SNTG1: variants seen among roughly 807,000 people sequenced by gnomAD.
SNTG1 encodes syntrophin gamma 1, also known as gamma-1-syntrophin.
SNTG1 carries 39 observed loss-of-function variants against 74.7 expected under a neutral mutation model. The observed-to-expected ratio is 0.52, with a 90% CI of 0.40 to 0.68. The LOEUF (loss-of-function observed/expected upper bound fraction) is 0.68. Ranked by LOEUF, SNTG1 falls within the 30% of genes least tolerant of loss-of-function variation. The pLI is 0.00. For synonymous variants in SNTG1, 254 were observed against 217.1 expected (o/e 1.17, Z -1.49); for missense variants, 685 against 609.5 (o/e 1.12, Z -1.30).
At chr8:50,561,455 A>T (rs2094488114) in intron 12 of SNTG1, among the ~76,000 whole-genome samples, 1 of 152,218 alleles carries the variant, frequency 6.6e-6, no homozygotes, top group Non-Finnish European at 1.5e-5. Flanking sequence ...TGCAAACCAT[A>T]AAAGAAAGGT....
At chr8:50,021,958 A>C (rs1280158513) in intron 1 of SNTG1, among the ~76,000 whole-genome samples, 2 of 151,654 alleles carry the variant, frequency 1.3e-5, no homozygotes, top group African/African-American at 2.4e-5. Flanking sequence ...ATAAAAATAA[A>C]AATAAAAATA....
chr8:50,235,232 G>T (rs979047372), intron 2 of SNTG1, among the ~76,000 whole-genome samples: 5 of 152,206 alleles, frequency 3.3e-5, no homozygotes, highest in Admixed American at 6.5e-5. Flanking sequence ...AGAAAATGTG[G>T]AATATGTGTA....
chr8:50,400,908 A>C (rs545705462), intron 3 of SNTG1, among the ~76,000 whole-genome samples: 1 of 152,302 alleles, frequency 6.6e-6, no homozygotes, highest in South Asian at 2.1e-4. Flanking sequence ...CACAGCTAAC[A>C]GTAATGCATT....
chr8:49,916,262 G>C (rs964606367), intron 1 of SNTG1, among the ~76,000 whole-genome samples: 11 of 151,868 alleles, frequency 7.2e-5, no homozygotes, highest in African/African-American at 2.4e-4. Flanking sequence ...AGAGTAAGAG[G>C]TCATTAAAAT....
intron 1 of SNTG1, among the ~76,000 whole-genome samples, chr8:50,095,023 A>G (rs2079874456): frequency 1.3e-5 from 2 of 152,212 alleles, no homozygotes; most frequent in Non-Finnish European, 2.9e-5. Flanking sequence ...TTGCAGCTGG[A>G]GGACATTATC....
chr8:50,037,605 T>C (rs559731531), intron 1 of SNTG1, among the ~76,000 whole-genome samples: 1 of 152,356 alleles, frequency 6.6e-6, no homozygotes, highest in Admixed American at 6.5e-5. Flanking sequence ...GTTGTGTATT[T>C]TAAAAGAAGC....
At chr8:49,959,059 A>G (rs1449215649) in intron 1 of SNTG1, among the ~76,000 whole-genome samples, 2 of 152,138 alleles carry the variant, frequency 1.3e-5, no homozygotes, top group African/African-American at 4.8e-5. Flanking sequence ...AGCTCTTTTG[A>G]ATTTTTTTGT....
chr8:50,534,402 A>T (rs1585602714), intron 10 of SNTG1, among the ~76,000 whole-genome samples: 2 of 151,986 alleles, frequency 1.3e-5, no homozygotes, highest in Non-Finnish European at 2.9e-5. Flanking sequence ...GGTCACAGAA[A>T]CCTTGTTTGT....
intron 18 of SNTG1, among the ~76,000 whole-genome samples, chr8:50,782,722 A>C (rs999784337): frequency 6.6e-6 from 1 of 152,128 alleles, no homozygotes; most frequent in Admixed American, 6.5e-5. Context: ...GTCATTCTCC[A>C]TCCAGCTTTG....
chr8:50,197,208 T>C lies in SNTG1; in HGVS notation c.-28+24573T>C, dbSNP rs1044624499. Among the ~76,000 whole-genome samples, 3 of 152,206 alleles carry C rather than the reference T, an allele frequency of 2.0e-5. 1 individual carries two copies. Among genetic ancestry groups the C allele is most frequent in the Admixed American group, 2.0e-4 (3 of 15,276 alleles). ...GTTGAATTAATCATATTATTTGGTC[T>C]ATGGAAAACATCACCACTGGCCTAT... On this transcript the variant is annotated intron_variant, in intron 2 of 18. Transcript: ENST00000642720.
intron 2 of SNTG1, among the ~76,000 whole-genome samples, chr8:50,326,384 C>A (rs887417928): frequency 6.6e-6 from 1 of 151,972 alleles, no homozygotes; most frequent in African/African-American, 2.4e-5. Flanking sequence ...TAGGACTATT[C>A]AGAATGACTG....
chr8:49,986,718 C>CA (rs10659343), intron 1 of SNTG1, among the ~76,000 whole-genome samples: 26,680 of 138,024 alleles, frequency 0.19, 4,961 homozygotes, highest in African/African-American at 0.49. Flanking sequence ...ACAAAAAGTA[C>CA]AAAAAAAAAA....
At chr8:50,544,359 A>C (rs2094370662) in intron 11 of SNTG1, among the ~76,000 whole-genome samples, 1 of 151,996 alleles carries the variant, frequency 6.6e-6, no homozygotes, top group South Asian at 2.1e-4. Context: ...TAGATATTTC[A>C]AAATTTATTA....
rs12677243 is a variant in SNTG1, at chr8:50,781,443, G to A, written c.1396-11228G>A. Among the ~76,000 whole-genome samples, 201 of 151,754 alleles carry A rather than the reference G, an allele frequency of 1.3e-3. 2 individuals carry two copies. Among genetic ancestry groups the A allele is most frequent in the Non-Finnish European group, 1.6e-3 (112 of 67,930 alleles). On this transcript the variant is annotated intron_variant, in intron 18 of 18. Transcript: ENST00000642720. ...TTAGCTCTTCTTGTTGAATTGATCC[G>A]TTTACCATTATGTAATGGCCTTCTT...
intron 1 of SNTG1, among the ~76,000 whole-genome samples, chr8:50,131,099 T>C (rs1477871149): frequency 3.9e-5 from 6 of 152,000 alleles, no homozygotes; most frequent in African/African-American, 9.7e-5. Context: ...GCAGAACATA[T>C]AAAATAAGCT....
At chr8:50,111,638 C>A (rs976957930) in intron 1 of SNTG1, among the ~76,000 whole-genome samples, 1 of 152,086 alleles carries the variant, frequency 6.6e-6, no homozygotes, top group African/African-American at 2.4e-5. Flanking sequence ...GAGCAATATA[C>A]CCCTCCATTA....
At chr8:50,089,763 G>C (rs9772885) in intron 1 of SNTG1, among the ~76,000 whole-genome samples, 35,319 of 151,624 alleles carry the variant, frequency 0.23, 4,107 homozygotes, top group South Asian at 0.37. Context: ...AACAACAGGT[G>C]CTGGAGAGGA....
At chr8:49,951,873 CAAAAAAAAAAAAAAAAAA>C (rs5891338) in intron 1 of SNTG1, among the ~76,000 whole-genome samples, 7 of 56,268 alleles carry the variant, frequency 1.2e-4, no homozygotes, top group Non-Finnish European at 2.0e-4. Context: ...GGAAAATTCA[CAAAAAAAAAAAAAAAAAA>C]AAAAAAAAAA....
At chr8:50,630,618 T>C (rs1205550706) in intron 13 of SNTG1, among the ~76,000 whole-genome samples, 1 of 152,200 alleles carries the variant, frequency 6.6e-6, no homozygotes, top group Admixed American at 6.5e-5. Flanking sequence ...GCACCTCCTC[T>C]TTATTTATAC....
Sources: allele counts gnomAD v4.1 joint callset (sites outside exome capture counted in the v4.1 genomes callset), GRCh38; gene constraint gnomAD v4.1.1; transcripts MANE v1.5; gene names NCBI Gene and HGNC (gene_info 2026-07-23, HGNC 2026-07-21).